PUM2: variants seen among roughly 807,000 people sequenced by gnomAD.
PUM2 encodes pumilio RNA binding family member 2.
In PUM2, 57 loss-of-function variants were observed where a neutral mutation model predicts 124.5. The observed-to-expected ratio is 0.46, with a 90% CI of 0.37 to 0.57. PUM2 has a LOEUF of 0.57. PUM2 is among the 20% of genes least tolerant of loss of function. The pLI, the probability that PUM2 is intolerant of heterozygous loss-of-function variation, is 0.00. For synonymous variants in PUM2, 460 were observed against 446.1 expected, an observed-to-expected ratio of 1.03 and a Z score of -0.39; for missense variants, 1,065 against 1,290.6, an observed-to-expected ratio of 0.83 and a Z score of 2.68.
chr2:20,252,059 C>A (rs907530688), intron 20 of PUM2, among the ~76,000 whole-genome samples: 2 of 152,130 alleles, frequency 1.3e-5, no homozygotes, highest in Admixed American at 6.5e-5. Flanking sequence ...CTACTTATAA[C>A]AATTAAACAA....
At position 20,251,056 on chromosome 2, in the gene PUM2, CTT is replaced by C. The variant is rs1374554090; in HGVS notation, c.*527_*528del. 4 of 152,584 alleles carry C rather than the reference CTT, an allele frequency of 2.6e-5. No homozygotes were observed. The highest frequency in any genetic ancestry group is 4.1e-4 in the South Asian group (2 of 4,826). The allele number at this position is 152,584 out of a possible 1,614,324, so 9.5% of individuals were successfully genotyped here. A position where few individuals can be genotyped will look rare whatever the true frequency, so the allele number is the denominator to read the frequency against. ...TAGTTTGTGAATTATCAAAATACAA[CTT>C]AACTCTTTTTAAAATATTAATAATA... On this transcript the variant is annotated 3_prime_UTR_variant, in exon 21 of 21. Coordinates refer to ENST00000361078, the MANE Select transcript of PUM2 (RefSeq NM_015317.5).
rs151100537 is a variant in PUM2, at chr2:20,302,500, C to A, written c.884-4822G>T. On this transcript the variant is annotated intron_variant, in intron 7 of 20. Transcript: ENST00000361078. Reference sequence around the variant, plus strand: ...GTCCATTAGGAATGAGACCCAATAACCGCCCCCCCAAGTTATTTTCCAAAT... The same window carrying A: ...GTCCATTAGGAATGAGACCCAATAAACGCCCCCCCAAGTTATTTTCCAAAT... 6.4e-4 allele frequency among the ~76,000 whole-genome samples: 97 copies of A among 152,180 alleles called. 1 individual carries two copies. Among genetic ancestry groups the A allele is most frequent in the African/African-American group, 2.3e-3 (94 of 41,522 alleles).
intron 13 of PUM2, among the ~76,000 whole-genome samples, chr2:20,273,400 G>GTATTTTC (rs1169954074): frequency 1.3e-5 from 2 of 152,132 alleles, no homozygotes; most frequent in Admixed American, 6.5e-5. Flanking sequence ...ATGGGATCAA[G>GTATTTTC]TATTTTCTAG....
intron 15 of PUM2, among the ~76,000 whole-genome samples, chr2:20,260,047 T>C (rs1401224118): frequency 3.3e-5 from 5 of 152,252 alleles, no homozygotes; most frequent in African/African-American, 1.2e-4. Flanking sequence ...ATGTTGAGCA[T>C]CTTTTCATGG....
intron 1 of PUM2, among the ~76,000 whole-genome samples, chr2:20,341,797 T>C (rs567227932): frequency 3.3e-5 from 5 of 152,232 alleles, no homozygotes; most frequent in Non-Finnish European, 7.4e-5. Flanking sequence ...ATGCTATCAA[T>C]TAGAATTAAT....
chr2:20,294,227 C>T (rs1382093629), intron 9 of PUM2, 149 bp downstream of exon 9: 8 of 759,750 alleles, frequency 1.1e-5, no homozygotes, highest in Non-Finnish European at 1.4e-5. Context: ...AAAATAAAAT[C>T]CCATGCATAA....
intron 1 of PUM2, among the ~76,000 whole-genome samples, chr2:20,341,674 T>C (rs1046953064): frequency 3.3e-5 from 5 of 152,230 alleles, no homozygotes; most frequent in Admixed American, 3.3e-4. Context: ...GTTTGGAAAC[T>C]ATCAAAGTAC....
At chr2:20,340,975 T>G (rs1050436098) in intron 1 of PUM2, among the ~76,000 whole-genome samples, 1 of 152,228 alleles carries the variant, frequency 6.6e-6, no homozygotes, top group Non-Finnish European at 1.5e-5. Context: ...TCTAGAGTAT[T>G]AATGACACAT....
intron 13 of PUM2, among the ~76,000 whole-genome samples, chr2:20,272,187 G>GAATAAATA (rs71391758): frequency 1.4e-5 from 2 of 147,398 alleles, no homozygotes; most frequent in African/African-American, 5.1e-5. Flanking sequence ...ATGAATGAAT[G>GAATAAATA]AATAAATAAA....
chr2:20,308,950 G>A (rs754393091), intron 5 of PUM2, among the ~76,000 whole-genome samples: 2 of 152,118 alleles, frequency 1.3e-5, no homozygotes, highest in Non-Finnish European at 2.9e-5. Context: ...AGGTTATTAA[G>A]TGGCAAATAT....
In PUM2 at chr2:20,321,352, G is replaced by A. The variant is rs138006843; in HGVS notation, c.52-2707C>T. 8.5e-4 allele frequency among the ~76,000 whole-genome samples: 130 copies of A among 152,248 alleles called. No individual in the cohort carries two copies. The East Asian group carries it at 0.02, about 24-fold the overall frequency. Reference sequence around the variant, plus strand: ...CTGGGCTGGGAAGCGGGGGGGAGGGGAGTCTGTAAACCACTTACCAAGTGT... The same window carrying A: ...CTGGGCTGGGAAGCGGGGGGGAGGGAAGTCTGTAAACCACTTACCAAGTGT... On this transcript the variant is annotated intron_variant, in intron 2 of 20. Transcript: ENST00000361078.
chr2:20,267,552 T>A (rs117556002), intron 13 of PUM2, among the ~76,000 whole-genome samples: 1 of 152,330 alleles, frequency 6.6e-6, no homozygotes, highest in East Asian at 1.9e-4. Flanking sequence ...GCTGGTAGTC[T>A]AAAAGCAGCT....
At chr2:20,290,042 CATTATT>C (rs1361000732) in intron 10 of PUM2, among the ~76,000 whole-genome samples, 3 of 152,086 alleles carry the variant, frequency 2.0e-5, no homozygotes, top group African/African-American at 7.2e-5. Flanking sequence ...GTTCTTCCTC[CATTATT>C]ATTAGTGATC....
At position 20,254,927 on chromosome 2, in the gene PUM2, T is replaced by A; in HGVS notation, c.2806A>T (p.Lys936Ter). The A allele has an allele frequency of 6.2e-7, 1 of 1,613,966 alleles. No individual in the cohort carries two copies. Among genetic ancestry groups the A allele is most frequent in the Non-Finnish European group, 8.5e-7 (1 of 1,179,868 alleles). Residue 936 changes from lysine to a stop codon, truncating the protein, a stop_gained, in exon 19 of 21, where the codon AAG becomes TAG. Transcript: ENST00000361078. LOFTEE classifies it high-confidence loss of function. Reference sequence around the variant, plus strand: ...CTGATTTCGGAAACAATTTTGCTCTTGTCTTCAGGTCGACCGTGTTCCAGT... The same window carrying A: ...CTGATTTCGGAAACAATTTTGCTCTAGTCTTCAGGTCGACCGTGTTCCAGT... ...HVLEHGRPED[K>*]SKIVSEIRGK...
intron 3 of PUM2, among the ~76,000 whole-genome samples, chr2:20,318,143 A>C (rs1232150368): frequency 6.6e-6 from 1 of 152,170 alleles, no homozygotes; most frequent in Non-Finnish European, 1.5e-5. Context: ...ACTAATTTAC[A>C]TTTCCACTAG....
At chr2:20,272,179 GAATGAATGAATA>G (rs1162706370) in intron 13 of PUM2, among the ~76,000 whole-genome samples, 93 of 143,870 alleles carry the variant, frequency 6.5e-4, no homozygotes, top group Non-Finnish European at 1.2e-3. Flanking sequence ...ATGAATGAAT[GAATGAATGAATA>G]AATAAATAAA....
At chr2:20,288,891 T>C (rs1353983577) in intron 10 of PUM2, among the ~76,000 whole-genome samples, 2 of 152,210 alleles carry the variant, frequency 1.3e-5, no homozygotes, top group East Asian at 1.9e-4. Context: ...CACTGAAACA[T>C]ACAAATACAA....
chr2:20,346,440 T>C lies in PUM2; in HGVS notation c.-19+4157A>G, dbSNP rs6729365. 3.4e-3 allele frequency among the ~76,000 whole-genome samples: 519 copies of C among 152,356 alleles called. 6 individuals carry two copies. The highest frequency in any genetic ancestry group is 0.012 in the African/African-American group (499 of 41,576). On this transcript the variant is annotated intron_variant, in intron 1 of 20. Transcript: ENST00000361078. ...TTTTTCTTCCTACAGTTTGCTTCATTTGACTGCCTAATAAAGACCTATACT... is the reference window on the plus strand; with the variant it reads ...TTTTTCTTCCTACAGTTTGCTTCATCTGACTGCCTAATAAAGACCTATACT...
At position 20,320,238 on chromosome 2, in the gene PUM2, G is replaced by GA. The variant is rs556858467; in HGVS notation, c.52-1594dup. ...CACTCCAGCCTGGGTGACAGAGTGA[G>GA]ACTGTCTCAAAAAACAAAAAACAAA... On this transcript the variant is annotated intron_variant, in intron 2 of 20. Transcript: ENST00000361078. Among the ~76,000 whole-genome samples, 995 of 152,244 alleles carry GA rather than the reference G, an allele frequency of 6.5e-3. 6 individuals are homozygous for GA. The highest frequency in any genetic ancestry group is 0.022 in the African/African-American group (920 of 41,542).
Sources: gnomAD v4.1 joint callset for allele counts (sites outside exome capture counted in the v4.1 genomes callset) on GRCh38, gnomAD v4.1.1 for gene constraint, MANE v1.5 for transcripts, NCBI Gene and HGNC (gene_info 2026-07-23, HGNC 2026-07-21) for gene names.